Variants in CNTNAP2 observed in about 807,000 individuals in gnomAD.
CNTNAP2 encodes contactin-associated protein-like 2.
Under a neutral mutation model 155.2 loss-of-function variants are expected in CNTNAP2, and 98 were observed. The observed-to-expected ratio is 0.63, with a 90% CI of 0.54 to 0.75. CNTNAP2 has a LOEUF of 0.75. CNTNAP2 is among the 30% of genes least tolerant of loss of function. The pLI, the probability that CNTNAP2 is intolerant of heterozygous loss-of-function variation, is 0.00. For synonymous variants in CNTNAP2, 651 were observed against 631.2 expected (o/e 1.03, Z -0.47); for missense variants, 1,727 against 1,688.1 (o/e 1.02, Z -0.40).
intron 1 of CNTNAP2, among the ~76,000 whole-genome samples, chr7:146,705,877 A>G (rs939736125): frequency 3.9e-5 from 6 of 152,136 alleles, no homozygotes; most frequent in African/African-American, 1.4e-4. Context: ...GACACAGCCA[A>G]GCTATATCAT....
chr7:147,407,915 G>A (rs1334193959), intron 10 of CNTNAP2, among the ~76,000 whole-genome samples: 1 of 152,188 alleles, frequency 6.6e-6, no homozygotes, highest in African/African-American at 2.4e-5. Flanking sequence ...GCAGAAGTGT[G>A]GAGGCACAGA....
At chr7:146,879,877 C>A (rs1160602214) in intron 3 of CNTNAP2, among the ~76,000 whole-genome samples, 2 of 152,036 alleles carry the variant, frequency 1.3e-5, no homozygotes, top group Non-Finnish European at 2.9e-5. Flanking sequence ...GCTCACAGTT[C>A]CACGTGGCTG....
intron 1 of CNTNAP2, among the ~76,000 whole-genome samples, chr7:146,521,099 C>T (rs1473409695): frequency 6.6e-6 from 1 of 151,934 alleles, no homozygotes; most frequent in African/African-American, 2.4e-5. Flanking sequence ...GCAAACCAGA[C>T]TCTTACCCAA....
At chr7:146,939,263 G>C (rs143925641) in intron 3 of CNTNAP2, among the ~76,000 whole-genome samples, 74 of 152,228 alleles carry the variant, frequency 4.9e-4, no homozygotes, top group African/African-American at 1.8e-3. Context: ...CACAATAGGA[G>C]TTCGTTTTGA....
chr7:146,307,367 A>G (rs2129089697), intron 1 of CNTNAP2, among the ~76,000 whole-genome samples: 1 of 152,274 alleles, frequency 6.6e-6, no homozygotes, highest in East Asian at 1.9e-4. Flanking sequence ...ATGCTCATGG[A>G]TAGGAAGAAT....
At chr7:147,331,229 AG>A (rs1287422988) in intron 9 of CNTNAP2, among the ~76,000 whole-genome samples, 1 of 152,156 alleles carries the variant, frequency 6.6e-6, no homozygotes, top group African/African-American at 2.4e-5. Flanking sequence ...CCCTGGTAAA[AG>A]CTAAAGAGAA....
At chr7:146,599,743 G>GAGATAGATAGATGAT (rs1554454022) in intron 1 of CNTNAP2, among the ~76,000 whole-genome samples, 7 of 145,594 alleles carry the variant, frequency 4.8e-5, no homozygotes, top group Non-Finnish European at 7.5e-5. Flanking sequence ...ACGACAGACA[G>GAGATAGATAGATGAT]AGATAGATAG....
At chr7:146,457,535 T>G (rs1253130373) in intron 1 of CNTNAP2, among the ~76,000 whole-genome samples, 6 of 100,300 alleles carry the variant, frequency 6.0e-5, no homozygotes, top group Non-Finnish European at 8.0e-5. Context: ...TATATATATA[T>G]AGTCACCCAG....
chr7:146,718,745 C>G (rs1801234781), intron 1 of CNTNAP2, among the ~76,000 whole-genome samples: 1 of 151,840 alleles, frequency 6.6e-6, no homozygotes, highest in African/African-American at 2.4e-5. Context: ...ACTGTGACTC[C>G]CTCTCCCATC....
chr7:148,324,852 AC>A (rs1375944131), intron 21 of CNTNAP2, among the ~76,000 whole-genome samples: 2 of 151,842 alleles, frequency 1.3e-5, no homozygotes, highest in African/African-American at 4.8e-5. Context: ...GATACCCAGC[AC>A]CCATAACAGT....
chr7:148,342,261 C>T (rs1798249852), intron 21 of CNTNAP2, among the ~76,000 whole-genome samples: 1 of 152,134 alleles, frequency 6.6e-6, no homozygotes, highest in South Asian at 2.1e-4. Flanking sequence ...ACCATTCTGC[C>T]ACTTTCATCA....
intron 8 of CNTNAP2, among the ~76,000 whole-genome samples, chr7:147,210,910 A>G (rs1282163987): frequency 2.0e-5 from 3 of 151,776 alleles, no homozygotes. Context: ...ATTGATTTCT[A>G]TTTATATTCC....
At chr7:147,222,594 C>T (rs1488238949) in intron 8 of CNTNAP2, among the ~76,000 whole-genome samples, 1 of 152,062 alleles carries the variant, frequency 6.6e-6, no homozygotes, top group East Asian at 1.9e-4. Context: ...TGCTTTGGCC[C>T]TTCAAACTGT....
At chr7:147,304,973 C>CA (rs1470321008) in intron 9 of CNTNAP2, among the ~76,000 whole-genome samples, 3 of 152,164 alleles carry the variant, frequency 2.0e-5, no homozygotes, top group African/African-American at 7.2e-5. Context: ...AAAATAGAGA[C>CA]AGAGAGAGAA....
At chr7:147,792,992 T>C (rs1797841885) in intron 13 of CNTNAP2, among the ~76,000 whole-genome samples, 1 of 152,202 alleles carries the variant, frequency 6.6e-6, no homozygotes, top group African/African-American at 2.4e-5. Context: ...TTTGTTTATC[T>C]TACTTGGAGC....
At chr7:146,812,942 A>G (rs1305118658) in intron 2 of CNTNAP2, among the ~76,000 whole-genome samples, 1 of 152,084 alleles carries the variant, frequency 6.6e-6, no homozygotes, top group African/African-American at 2.4e-5. Flanking sequence ...ATAGCTTCAG[A>G]CAGTGCAAAT....
rs146507383 is a variant in CNTNAP2, at chr7:146,291,088, T to G, written c.97+174115T>G. Among the ~76,000 whole-genome samples the G allele has an allele frequency of 3.5e-3, 528 of 152,270 alleles. 4 individuals carry two copies. The highest frequency in any genetic ancestry group is 0.012 in the African/African-American group (502 of 41,556). Reference sequence around the variant, plus strand: ...TCAGTTACATCAATTTGAATCTAACTAGACTAAGATAAAACATGATGAATA... The same window carrying G: ...TCAGTTACATCAATTTGAATCTAACGAGACTAAGATAAAACATGATGAATA... On this transcript the variant is annotated intron_variant, in intron 1 of 23. Transcript: ENST00000361727.
At chr7:147,072,293 A>G (rs1254856876) in intron 4 of CNTNAP2, among the ~76,000 whole-genome samples, 2 of 152,166 alleles carry the variant, frequency 1.3e-5, no homozygotes, top group African/African-American at 4.8e-5. Context: ...AAATCCTGCA[A>G]TAGATGGCTT....
intron 18 of CNTNAP2, among the ~76,000 whole-genome samples, chr7:148,179,137 C>A (rs1285771133): frequency 6.6e-6 from 1 of 152,148 alleles, no homozygotes; most frequent in African/African-American, 2.4e-5. Flanking sequence ...GCAATGTATC[C>A]AGTCCTTTCA....
Sources: allele counts gnomAD v4.1 joint callset (sites outside exome capture counted in the v4.1 genomes callset), GRCh38; gene constraint gnomAD v4.1.1; transcripts MANE v1.5; gene names NCBI Gene and HGNC (gene_info 2026-07-23, HGNC 2026-07-21).